Variants in AFF2 observed in about 807,000 individuals in gnomAD.
AFF2 encodes the protein ALF transcription elongation factor 2.
Under a neutral mutation model 76.9 loss-of-function variants are expected in AFF2, and 14 were observed. The observed-to-expected ratio is 0.18, with a 90% CI of 0.12 to 0.28. The LOEUF is 0.28. Ranked by LOEUF, AFF2 falls within the 10% of genes least tolerant of loss-of-function variation. AFF2 has a pLI of 1.00. For synonymous variants in AFF2, 398 were observed against 366.7 expected (o/e 1.09, Z -0.98); for missense variants, 868 against 1,001.1 (o/e 0.87, Z 1.79).
chrX:148,542,141 TA>T (rs782795554), intron 1 of AFF2, among the ~76,000 whole-genome samples: 22 of 109,965 alleles, frequency 2.0e-4, no homozygotes, highest in Middle Eastern at 9.3e-3. Flanking sequence ...TTGCATCTTT[TA>T]AAAACAATGG....
intron 4 of AFF2, among the ~76,000 whole-genome samples, chrX:148,835,683 C>T (rs1010411863): frequency 6.4e-5 from 7 of 109,516 alleles, no homozygotes; most frequent in Non-Finnish European, 1.9e-5. Flanking sequence ...CGGGGTTTCA[C>T]TATGTTGGCC....
intron 9 of AFF2, among the ~76,000 whole-genome samples, chrX:148,907,351 A>G (rs2071418813): frequency 8.9e-6 from 1 of 112,223 alleles, no homozygotes; most frequent in Non-Finnish European, 1.9e-5. Flanking sequence ...GAGTGTCACC[A>G]TCATGTTAAA....
At chrX:148,943,561 A>G (rs2071865795) in intron 9 of AFF2, among the ~76,000 whole-genome samples, 1 of 111,921 alleles carries the variant, frequency 8.9e-6, no homozygotes. Flanking sequence ...TGTTCCTTCT[A>G]CCTTCTAGTG....
intron 3 of AFF2, among the ~76,000 whole-genome samples, chrX:148,772,945 G>A (rs1159650962): frequency 1.8e-5 from 2 of 110,984 alleles, no homozygotes; most frequent in African/African-American, 6.5e-5. Context: ...ACCAGGACCT[G>A]TTGGGAGAGG....
intron 3 of AFF2, among the ~76,000 whole-genome samples, chrX:148,673,896 T>G (rs1297687923): frequency 2.7e-5 from 3 of 112,599 alleles, no homozygotes; most frequent in Non-Finnish European, 5.6e-5. Flanking sequence ...TGTGCAAAAA[T>G]GAGATTTAAA....
At chrX:148,506,651 A>T (rs2052422380) in intron 1 of AFF2, among the ~76,000 whole-genome samples, 1 of 111,113 alleles carries the variant, frequency 9.0e-6, no homozygotes, top group Non-Finnish European at 1.9e-5. Flanking sequence ...GAATGCTCAA[A>T]TTTTGAAGAT....
chrX:148,520,006 A>G (rs973450163), intron 1 of AFF2, among the ~76,000 whole-genome samples: 7 of 112,486 alleles, frequency 6.2e-5, no homozygotes, highest in Non-Finnish European at 1.1e-4. Flanking sequence ...AATCTAGTTT[A>G]CATCTGAGAT....
At chrX:148,854,118 A>G (rs1410631970) in intron 7 of AFF2, among the ~76,000 whole-genome samples, 5 of 111,674 alleles carry the variant, frequency 4.5e-5, no homozygotes, top group African/African-American at 6.5e-5. Flanking sequence ...GGTTGCTACT[A>G]TGGTAACCGT....
chrX:148,582,240 TA>T (rs1263600109), intron 1 of AFF2, among the ~76,000 whole-genome samples: 14 of 111,334 alleles, frequency 1.3e-4, no homozygotes, highest in African/African-American at 4.6e-4. Context: ...ATCATTTGCT[TA>T]AGGTGGTAAG....
chrX:148,970,024 T>C (rs1294437876), intron 15 of AFF2, among the ~76,000 whole-genome samples: 3 of 111,704 alleles, frequency 2.7e-5, no homozygotes, highest in Non-Finnish European at 5.6e-5. Context: ...TCTCCAGCTA[T>C]TGGGTTGTGA....
chrX:148,501,528 C>A (rs1173202538), intron 1 of AFF2, among the ~76,000 whole-genome samples: 1 of 113,400 alleles, frequency 8.8e-6, no homozygotes, highest in Non-Finnish European at 1.9e-5. Context: ...TCTCAACTTT[C>A]CAGGTGCCCA....
At chrX:148,801,497 ATCT>A (rs2070058443) in intron 3 of AFF2, among the ~76,000 whole-genome samples, 1 of 111,728 alleles carries the variant, frequency 9.0e-6, no homozygotes, top group Non-Finnish European at 1.9e-5. Context: ...TCATCTTCTC[ATCT>A]TTAATTTCTC....
At chrX:148,562,246 A>T (rs1385636416) in intron 1 of AFF2, among the ~76,000 whole-genome samples, 1 of 112,235 alleles carries the variant, frequency 8.9e-6, no homozygotes, top group Non-Finnish European at 1.9e-5. Flanking sequence ...CATCACACAG[A>T]CACAGCCTGT....
At chrX:148,700,023 TC>T (rs782544908) in intron 3 of AFF2, among the ~76,000 whole-genome samples, 1 of 111,586 alleles carries the variant, frequency 9.0e-6, no homozygotes, top group Non-Finnish European at 1.9e-5. Context: ...GCACTGTTCA[TC>T]CTGTTTAAGA....
At chrX:148,832,089 G>C (rs782053980) in intron 4 of AFF2, among the ~76,000 whole-genome samples, 8 of 112,062 alleles carry the variant, frequency 7.1e-5, no homozygotes, top group Non-Finnish European at 1.3e-4. Flanking sequence ...GTGGTGATTT[G>C]TAAAGCTACT....
chrX:148,869,782 A>G (rs1395587046), intron 7 of AFF2, among the ~76,000 whole-genome samples: 3 of 111,771 alleles, frequency 2.7e-5, no homozygotes, highest in African/African-American at 9.8e-5. Context: ...CCTTCTTAGG[A>G]TGTAAGAGAA....
At chrX:148,559,994 T>C (rs1040802124) in intron 1 of AFF2, among the ~76,000 whole-genome samples, 56 of 112,299 alleles carry the variant, frequency 5.0e-4, no homozygotes, top group South Asian at 2.2e-3. Flanking sequence ...TGGTATCTCA[T>C]TGTGGTTTTT....
chrX:148,615,857 A>T (rs1377860940), intron 1 of AFF2, among the ~76,000 whole-genome samples: 1 of 111,486 alleles, frequency 9.0e-6, no homozygotes, highest in Non-Finnish European at 1.9e-5. Flanking sequence ...CAAAGGCAAT[A>T]ATTCACCCAA....
At chrX:148,871,110 G>GA (rs34558569) in intron 7 of AFF2, among the ~76,000 whole-genome samples, 1 of 111,539 alleles carries the variant, frequency 9.0e-6, no homozygotes, top group Non-Finnish European at 1.9e-5. Context: ...CTCTGCATGA[G>GA]AAAAAGCAGT....
Sources: allele counts gnomAD v4.1 joint callset (sites outside exome capture counted in the v4.1 genomes callset), GRCh38; gene constraint gnomAD v4.1.1; transcripts MANE v1.5; gene names NCBI Gene and HGNC (gene_info 2026-07-23, HGNC 2026-07-21).